The following GSG1L variants were observed in gnomAD, a reference collection of about 807,000 sequenced individuals.
The protein encoded by GSG1L is GSG1 like.
GSG1L carries 24 observed loss-of-function variants against 42.1 expected under a neutral mutation model. The observed-to-expected ratio is 0.57, with a 90% CI of 0.41 to 0.80. GSG1L has a LOEUF of 0.80. Ranked by LOEUF, GSG1L falls within the 30% of genes least tolerant of loss-of-function variation. The pLI, the probability that GSG1L is intolerant of heterozygous loss-of-function variation, is 0.00. For synonymous variants in GSG1L, 215 were observed against 203.5 expected (o/e 1.06, Z -0.48); for missense variants, 445 against 472.2 (o/e 0.94, Z 0.53).
intron 1 of GSG1L, among the ~76,000 whole-genome samples, chr16:28,060,812 G>A (rs1255949483): frequency 6.6e-6 from 1 of 152,172 alleles, no homozygotes; most frequent in Non-Finnish European, 1.5e-5. Flanking sequence ...GCAGGACCTG[G>A]TGAACGTTAA....
chr16:28,039,795 C>T (rs918372519), intron 1 of GSG1L, among the ~76,000 whole-genome samples: 13 of 152,224 alleles, frequency 8.5e-5, no homozygotes, highest in East Asian at 3.9e-4. Context: ...TGCACACATA[C>T]GCACACAGGC....
intron 1 of GSG1L, among the ~76,000 whole-genome samples, chr16:28,043,412 G>A (rs968965516): frequency 2.2e-4 from 33 of 152,182 alleles, no homozygotes; most frequent in African/African-American, 7.5e-4. Flanking sequence ...GCTGGAGGAC[G>A]AACTTTCTAA....
chr16:27,833,668 T>G (rs2083294272), intron 4 of GSG1L, among the ~76,000 whole-genome samples: 1 of 152,170 alleles, frequency 6.6e-6, no homozygotes. Context: ...GTCCTGTAAG[T>G]GTTTTGTTAG....
At chr16:27,946,629 G>A (rs57686217) in intron 2 of GSG1L, among the ~76,000 whole-genome samples, 13,998 of 38,480 alleles carry the variant, frequency 0.36, 2,516 homozygotes, top group African/African-American at 0.45. Context: ...GAGAGAGAGA[G>A]AGAAAGAAAG....
intron 1 of GSG1L, among the ~76,000 whole-genome samples, chr16:27,971,483 G>T (rs575641806): frequency 1.4e-3 from 208 of 152,160 alleles, no homozygotes; most frequent in African/African-American, 4.7e-3. Flanking sequence ...ATTAAATTTT[G>T]TATATTGATC....
chr16:27,904,423 A>G (rs527260884), intron 2 of GSG1L, among the ~76,000 whole-genome samples: 1 of 152,022 alleles, frequency 6.6e-6, no homozygotes, highest in East Asian at 1.9e-4. Context: ...TGATCCCACT[A>G]TTTAAAATTG....
At chr16:27,861,672 G>C (rs186560270) in intron 3 of GSG1L, among the ~76,000 whole-genome samples, 2 of 151,988 alleles carry the variant, frequency 1.3e-5, no homozygotes, top group African/African-American at 4.8e-5. Context: ...CTCACTTCCC[G>C]CCCCTCTTTC....
At chr16:27,923,519 CA>C (rs1267249853) in intron 2 of GSG1L, among the ~76,000 whole-genome samples, 1 of 152,092 alleles carries the variant, frequency 6.6e-6, no homozygotes, top group Non-Finnish European at 1.5e-5. Context: ...CTGAGGCAGG[CA>C]GATCGTTTGA....
chr16:27,827,212 C>T (rs1020748520), intron 5 of GSG1L, among the ~76,000 whole-genome samples: 6 of 152,208 alleles, frequency 3.9e-5, no homozygotes, highest in African/African-American at 1.4e-4. Flanking sequence ...TGATGGTTGA[C>T]TCTGACCTAG....
At chr16:27,989,434 T>C (rs537815133) in intron 1 of GSG1L, among the ~76,000 whole-genome samples, 7 of 152,162 alleles carry the variant, frequency 4.6e-5, no homozygotes, top group Non-Finnish European at 1.0e-4. Context: ...ATACTAGGCT[T>C]ATTTGTTATG....
chr16:27,958,626 G>A (rs886445874), intron 2 of GSG1L, among the ~76,000 whole-genome samples: 11 of 152,014 alleles, frequency 7.2e-5, no homozygotes, highest in African/African-American at 2.7e-4. Context: ...CCCAAGGGTG[G>A]GTTTATAAGA....
intron 2 of GSG1L, among the ~76,000 whole-genome samples, chr16:27,935,427 C>T (rs778435980): frequency 2.0e-5 from 3 of 152,138 alleles, no homozygotes; most frequent in Non-Finnish European, 4.4e-5. Context: ...CTCTTGACAC[C>T]TTGCATTTTG....
chr16:27,973,700 A>T (rs2085219924), intron 1 of GSG1L, among the ~76,000 whole-genome samples: 1 of 152,146 alleles, frequency 6.6e-6, no homozygotes, highest in South Asian at 2.1e-4. Flanking sequence ...CACGTGTAAC[A>T]TCAATATGAA....
Position 28,036,435 on chromosome 16 carries a change from G to C in GSG1L, c.349+26641C>G, listed in dbSNP as rs536016476. Among the ~76,000 whole-genome samples the C allele has an allele frequency of 1.9e-3, 292 of 152,288 alleles. 1 individual carries two copies. The highest frequency in any genetic ancestry group is 6.8e-3 in the African/African-American group (282 of 41,550). Reference sequence around the variant, plus strand: ...TGATGCCTTCAACCAGTGGTAGATGGGAGTTAGTGGAGAAAGACTCCAGTT... The same window carrying C: ...TGATGCCTTCAACCAGTGGTAGATGCGAGTTAGTGGAGAAAGACTCCAGTT... On this transcript the variant is annotated intron_variant, in intron 1 of 6. Coordinates refer to ENST00000447459, the MANE Select transcript of GSG1L (RefSeq NM_001109763.2).
intron 3 of GSG1L, among the ~76,000 whole-genome samples, chr16:27,849,197 C>CCTCCA (rs749482143): frequency 8.8e-6 from 1 of 113,628 alleles, no homozygotes; most frequent in African/African-American, 3.3e-5. Flanking sequence ...GCCTCTATCC[C>CCTCCA]AAAAAGAAAA....
intron 6 of GSG1L, among the ~76,000 whole-genome samples, chr16:27,794,620 C>T (rs1178367656): frequency 1.3e-5 from 2 of 152,184 alleles, no homozygotes; most frequent in Non-Finnish European, 2.9e-5. Context: ...CTTGAGCCAC[C>T]GCGCCCGGCC....
intron 4 of GSG1L, among the ~76,000 whole-genome samples, chr16:27,843,097 T>C (rs1372315976): frequency 6.6e-6 from 1 of 152,212 alleles, no homozygotes; most frequent in Non-Finnish European, 1.5e-5. Context: ...CCCGAGCACC[T>C]AGAAGAACAG....
chr16:27,867,957 A>T (rs2083752732), intron 3 of GSG1L, among the ~76,000 whole-genome samples: 1 of 152,142 alleles, frequency 6.6e-6, no homozygotes, highest in African/African-American at 2.4e-5. Context: ...CCCTTGCTAC[A>T]CTCACTCCAC....
chr16:27,923,769 A>G (rs2141065743), intron 2 of GSG1L, among the ~76,000 whole-genome samples: 1 of 151,700 alleles, frequency 6.6e-6, no homozygotes, highest in East Asian at 1.9e-4. Flanking sequence ...AGAAAGAAAG[A>G]AAGAGAGAGA....
Sources: allele counts gnomAD v4.1 joint callset (sites outside exome capture counted in the v4.1 genomes callset), GRCh38; gene constraint gnomAD v4.1.1; transcripts MANE v1.5; gene names NCBI Gene and HGNC (gene_info 2026-07-23, HGNC 2026-07-21).